Variants in SCGB3A2 observed in about 807,000 individuals in gnomAD.
SCGB3A2 encodes the protein secretoglobin family 3A member 2, also known as pneumo secretory protein 1.
SCGB3A2 carries 5 observed loss-of-function variants against 7.7 expected under a neutral mutation model. That is an observed-to-expected ratio of 0.65 (90% CI 0.34 to 1.36). SCGB3A2 has a LOEUF of 1.36. SCGB3A2 is among the 40% of genes most tolerant of loss of function. SCGB3A2 has a pLI of 0.04. For synonymous variants in SCGB3A2, 44 were observed against 42.7 expected, an observed-to-expected ratio of 1.03 and a Z score of -0.12; for missense variants, 109 against 103.6, an observed-to-expected ratio of 1.05 and a Z score of -0.23.
In SCGB3A2 at chr5:147,881,431, C is replaced by T. The variant is rs1238110366; in HGVS notation, c.56-15C>T. On this transcript the variant is annotated splice_polypyrimidine_tract_variant and intron_variant, in intron 1 of 2. Transcript: ENST00000296694. ...CAGATGTGCCTGTCTCACCTGGTTT[C>T]TCTTTTTCCTGCAGCTACTGCCTTC... The T allele has an allele frequency of 6.2e-7, 1 of 1,612,004 alleles. No individual in the cohort carries two copies. The highest frequency in any genetic ancestry group is 8.5e-7 in the Non-Finnish European group (1 of 1,178,266).
At chr5:147,879,461 A>G (rs896311292) in intron 1 of SCGB3A2, among the ~76,000 whole-genome samples, 4 of 152,234 alleles carry the variant, frequency 2.6e-5, no homozygotes, top group Non-Finnish European at 4.4e-5. Flanking sequence ...CTACTCTGGT[A>G]GGATAGATAG....
chr5:147,881,702 A>C, intron 2 of SCGB3A2, 54 bp downstream of exon 2: 1 of 1,363,898 alleles, frequency 7.3e-7, no homozygotes, highest in Non-Finnish European at 1.0e-6. Context: ...CTCACCCTGA[A>C]TGTCTAGCTC....
intron 1 of SCGB3A2, 94 bp from the exon 2 acceptor site, chr5:147,881,352 G>A (rs1757344912): frequency 1.0e-6 from 1 of 963,354 alleles, no homozygotes. Context: ...GAGTGGATCT[G>A]GAATGGAGCT....
In SCGB3A2 at chr5:147,882,066, C is replaced by CGGAGGT; in HGVS notation, c.*20_*25dup. On this transcript the variant is annotated 3_prime_UTR_variant, in exon 3 of 3. Coordinates refer to ENST00000296694, the MANE Select transcript of SCGB3A2 (RefSeq NM_054023.5). The stretch of plus-strand genomic sequence containing the variant: ...CTTGGTGTGACATCAAGATAAAGAG[C>CGGAGGT]GGAGGTGGATGGGGATGGAAGATGA... 6.2e-7 allele frequency: 1 copy of CGGAGGT among 1,613,334 alleles called. No homozygotes were observed. The highest frequency in any genetic ancestry group is 1.3e-5 in the African/African-American group (1 of 74,986).
chr5:147,882,019 C>T lies in SCGB3A2; in HGVS notation c.259-8C>T, dbSNP rs2127119026. On this transcript the variant is annotated splice_polypyrimidine_tract_variant and splice_region_variant and intron_variant, in intron 2 of 2. Transcript: ENST00000296694. ...TGCTCTAAATTTTGTTGTCCTTCTA[C>T]ATTTCAGGAGGCGCTATCACACTTG... The T allele has an allele frequency of 2.5e-6, 4 of 1,613,676 alleles. No homozygotes were observed. Among genetic ancestry groups the T allele is most frequent in the South Asian group, 2.2e-5 (2 of 91,032 alleles).
intron 1 of SCGB3A2, among the ~76,000 whole-genome samples, chr5:147,879,269 A>G (rs977356581): frequency 6.6e-6 from 1 of 152,184 alleles, no homozygotes. Flanking sequence ...TTTGAACTAT[A>G]TGGAGTCATT....
In SCGB3A2 at chr5:147,882,092, T is replaced by C; in HGVS notation, c.*42T>C. ...GGAGGTGGATGGGGATGGAAGATGA[T>C]GCTCCTATCCTCCCTGCCTGAAACC... is the stretch of plus-strand genomic sequence containing the variant. On this transcript the variant is annotated 3_prime_UTR_variant, in exon 3 of 3. Transcript: ENST00000296694. 6.3e-7 allele frequency: 1 copy of C among 1,599,238 alleles called. No individual in the cohort carries two copies. Among genetic ancestry groups the C allele is most frequent in the Non-Finnish European group, 8.6e-7 (1 of 1,166,628 alleles).
intron 1 of SCGB3A2, among the ~76,000 whole-genome samples, chr5:147,879,178 T>C (rs540495236): frequency 6.6e-6 from 1 of 152,224 alleles, no homozygotes; most frequent in African/African-American, 2.4e-5. Context: ...CACATTTCAC[T>C]GCTGGATATT....
Position 147,881,489 on chromosome 5 carries a change from G to A in SCGB3A2, c.99G>A (p.Lys33=). ...ACAAAGTGCCCCTTCCTGTTGACAA[G>A]TTGGCACCTTTACCTCTGGACAACA... ...LINKVPLPVD[K]LAPLPLDNIL... is the part of the protein sequence containing the mutation. The change falls in exon 2 of 3, where the codon AAG becomes AAA. Residue 33 remains lysine (K), a synonymous_variant. Coordinates refer to ENST00000296694, the MANE Select transcript of SCGB3A2 (RefSeq NM_054023.5). 1 of 1,614,022 alleles carries A rather than the reference G, an allele frequency of 6.2e-7. No individual in the cohort carries two copies. Among genetic ancestry groups the A allele is most frequent in the African/African-American group, 1.3e-5 (1 of 75,004 alleles).
rs146666696 is a variant in SCGB3A2 at position 147,881,585 on chromosome 5, G to A, written c.195G>A (p.Glu65=). The change falls in exon 2 of 3, where the codon GAG becomes GAA. Residue 65 remains glutamate, a synonymous_variant. Transcript: ENST00000296694. ...GCATTTCTGTTGAGCACCTTGTGGA[G>A]GGGCTAAGGAAGTGTGTAAATGAGC... ...TLGISVEHLV[E]GLRKCVNELG... 21 of 1,613,888 alleles carry A rather than the reference G, an allele frequency of 1.3e-5. No homozygotes were observed. Among genetic ancestry groups the A allele is most frequent in the Non-Finnish European group, 1.6e-5 (19 of 1,179,932 alleles).
At position 147,879,971 on chromosome 5, in the gene SCGB3A2, G is replaced by A. The variant is rs143195194; in HGVS notation, c.55+1113G>A. On this transcript the variant is annotated intron_variant, in intron 1 of 2. Coordinates refer to ENST00000296694, the MANE Select transcript of SCGB3A2 (RefSeq NM_054023.5). ...TGGGCAAAGTGGCAGCAGAAAGGAG[G>A]TGGGGAAAATAAATACCGCCCCCTC... is the stretch of plus-strand genomic sequence containing the variant. Among the ~76,000 whole-genome samples the A allele has an allele frequency of 3.3e-5, 5 of 152,290 alleles. No individual in the cohort carries two copies. In the East Asian group the frequency reaches 5.8e-4, roughly 18 times the overall value.
Position 147,882,160 on chromosome 5 carries a change from C to A in SCGB3A2, c.*110C>A. Reference sequence around the variant, plus strand: ...ATCAAATGCCCTAAAATGTAGTGACCCGTGAAAAGGACAAATAAAGCAATG... The same window carrying A: ...ATCAAATGCCCTAAAATGTAGTGACACGTGAAAAGGACAAATAAAGCAATG... On this transcript the variant is annotated 3_prime_UTR_variant, in exon 3 of 3. Transcript: ENST00000296694. 1 of 1,089,254 alleles carries A rather than the reference C, an allele frequency of 9.2e-7. No homozygotes were observed. Among genetic ancestry groups the A allele is most frequent in the Non-Finnish European group, 1.4e-6 (1 of 709,376 alleles). 67.5% of individuals were successfully genotyped at this position (1,089,254 alleles called of 1,614,324 possible).
chr5:147,878,948 G>A (rs1757303452), intron 1 of SCGB3A2, 90 bp downstream of exon 1: 1 of 803,626 alleles, frequency 1.2e-6, no homozygotes, highest in Non-Finnish European at 2.1e-6. Flanking sequence ...CTCACTGACA[G>A]TGGAATATGG....
intron 1 of SCGB3A2, among the ~76,000 whole-genome samples, chr5:147,879,467 G>C (rs1008991501): frequency 6.6e-6 from 1 of 152,206 alleles, no homozygotes; most frequent in Non-Finnish European, 1.5e-5. Context: ...TGGTAGGATA[G>C]ATAGGGCTTC....
At chr5:147,879,123 A>G (rs1407642783) in intron 1 of SCGB3A2, among the ~76,000 whole-genome samples, 1 of 152,224 alleles carries the variant, frequency 6.6e-6, no homozygotes, top group East Asian at 1.9e-4. Context: ...ATTCTAATAC[A>G]TCCTACATAG....
Position 147,881,588 on chromosome 5 carries a change from G to T in SCGB3A2, c.198G>T (p.Gly66=). ...TTTCTGTTGAGCACCTTGTGGAGGGGCTAAGGAAGTGTGTAAATGAGCTGG... is the reference window on the plus strand; with the variant it reads ...TTTCTGTTGAGCACCTTGTGGAGGGTCTAAGGAAGTGTGTAAATGAGCTGG... ...LGISVEHLVE[G]LRKCVNELGP... The change falls in exon 2 of 3, where the codon GGG becomes GGT. Residue 66 remains glycine, a synonymous_variant. Transcript: ENST00000296694. 1 of 1,613,966 alleles carries T rather than the reference G, an allele frequency of 6.2e-7. No homozygotes were observed. Among genetic ancestry groups the T allele is most frequent in the South Asian group, 1.1e-5 (1 of 91,076 alleles).
chr5:147,879,681 A>G (rs1435010869), intron 1 of SCGB3A2, among the ~76,000 whole-genome samples: 1 of 152,206 alleles, frequency 6.6e-6, no homozygotes, highest in Non-Finnish European at 1.5e-5. Flanking sequence ...ACATGGGAAA[A>G]AGAGATTTCA....
Position 147,881,497 on chromosome 5 carries a change from C to T in SCGB3A2, c.107C>T (p.Pro36Leu). Residue 36 changes from proline to leucine, a missense_variant, in exon 2 of 3, where the codon CCT (proline) becomes CTT (leucine). Pro to Leu is a moderately conservative substitution (Grantham distance 98). Coordinates refer to ENST00000296694, the MANE Select transcript of SCGB3A2 (RefSeq NM_054023.5). ...KVPLPVDKLAPLPLDNILPFM... is the reference protein window; with the variant it reads ...KVPLPVDKLALLPLDNILPFM... ...CCCCTTCCTGTTGACAAGTTGGCAC[C>T]TTTACCTCTGGACAACATTCTTCCC... 6.2e-7 allele frequency: 1 copy of T among 1,614,056 alleles called. No homozygotes were observed. The highest frequency in any genetic ancestry group is 8.5e-7 in the Non-Finnish European group (1 of 1,179,942).
Position 147,882,109 on chromosome 5 carries a change from C to A in SCGB3A2, c.*59C>A, listed in dbSNP as rs936635437. The A allele has an allele frequency of 1.9e-5, 29 of 1,537,662 alleles. No individual in the cohort carries two copies. In the Middle Eastern group the frequency reaches 5.0e-4, roughly 27 times the overall value. ...GAAGATGATGCTCCTATCCTCCCTG[C>A]CTGAAACCTGTTCTACCAATTATAG... On this transcript the variant is annotated 3_prime_UTR_variant, in exon 3 of 3. Transcript: ENST00000296694.
Sources: gnomAD v4.1 joint callset for allele counts (sites outside exome capture counted in the v4.1 genomes callset) on GRCh38, gnomAD v4.1.1 for gene constraint, MANE v1.5 for transcripts, NCBI Gene and HGNC (gene_info 2026-07-23, HGNC 2026-07-21) for gene names.